The following HTT variants were observed in gnomAD, a reference collection of about 807,000 sequenced individuals.
The protein encoded by HTT is huntingtin, also known as huntington disease protein.
A neutral mutation model predicts 362.3 loss-of-function variants in HTT; 104 were observed. The ratio of observed to expected loss-of-function variants is 0.29; its 90% CI spans 0.24 to 0.34. The LOEUF is 0.34. Among genes scored for constraint, HTT ranks in the 10% least tolerant of loss-of-function variants. The pLI is 1.00. For synonymous variants in HTT, 1,577 were observed against 1,548.7 expected (o/e 1.02, Z -0.43); for missense variants, 3,301 against 3,928.6 (o/e 0.84, Z 4.27).
chr4:3,217,812 G>A lies in HTT; in HGVS notation c.7102G>A (p.Glu2368Lys). Reference sequence around the variant, plus strand: ...CTGTGAGATGGTGGCAGAAATGGTGGAGTCTCTGCAGTCGGTGTTGGCCTT... The same window carrying A: ...CTGTGAGATGGTGGCAGAAATGGTGAAGTCTCTGCAGTCGGTGTTGGCCTT... ...AACEMVAEMV[E>K]SLQSVLALGH... Residue 2368 changes from glutamate (E) to lysine (K), a missense_variant, in exon 52 of 67, where the codon GAG becomes AAG. Physicochemically the swap from Glu to Lys is moderately conservative, Grantham distance 56. Around this residue, in one of 4 missense-constraint regions of HTT, gnomAD observed 753 missense variants for 1,021.3 expected, o/e 0.74. Transcript: ENST00000355072. The A allele has an allele frequency of 1.2e-6, 2 of 1,614,150 alleles. No homozygotes were observed. Among genetic ancestry groups the A allele is most frequent in the Non-Finnish European group, 8.5e-7 (1 of 1,179,992 alleles).
At chr4:3,213,054 T>A in intron 49 of HTT, 1 of 262,642 alleles carries the variant, frequency 3.8e-6, no homozygotes. Context: ...ACTTACTTGG[T>A]TTGTGTTAGT....
chr4:3,095,894 T>G (rs1268231463), intron 2 of HTT, among the ~76,000 whole-genome samples: 1 of 152,198 alleles, frequency 6.6e-6, no homozygotes, highest in Admixed American at 6.5e-5. Context: ...TCAACCTAAC[T>G]ATGTCAAAAA....
chr4:3,125,738 C>T, intron 11 of HTT, 109 bp downstream of exon 11: 1 of 767,518 alleles, frequency 1.3e-6, no homozygotes, highest in East Asian at 2.5e-5. Flanking sequence ...CTGGGGGCAG[C>T]AGTGGAGCCA....
chr4:3,190,018 A>C (rs892884708), intron 40 of HTT, among the ~76,000 whole-genome samples: 2 of 152,028 alleles, frequency 1.3e-5, no homozygotes, highest in Admixed American at 1.3e-4. Context: ...CCTGCCTCAA[A>C]AAAACAAAAC....
At chr4:3,082,779 T>C (rs1392262916) in intron 1 of HTT, among the ~76,000 whole-genome samples, 2 of 152,004 alleles carry the variant, frequency 1.3e-5, no homozygotes, top group African/African-American at 2.4e-5. Flanking sequence ...GCTTATCTGC[T>C]GTAGGGCCGT....
At chr4:3,181,839 C>T (rs955599365) in intron 36 of HTT, among the ~76,000 whole-genome samples, 2 of 152,108 alleles carry the variant, frequency 1.3e-5, no homozygotes, top group Admixed American at 1.3e-4. Flanking sequence ...GTTCAGTGAG[C>T]TCTGGATATG....
Position 3,238,614 on chromosome 4 carries a change from G to A in HTT, c.9054+5G>A. On this transcript the variant is annotated splice_donor_5th_base_variant and intron_variant, in intron 65 of 66. Transcript: ENST00000355072. ...ATGGCCACCGTGGTGTATAAGGTGA[G>A]GTTGCATGTGGGATGGGGATGGAGT... 6.3e-7 allele frequency: 1 copy of A among 1,591,716 alleles called. No homozygotes were observed. Among genetic ancestry groups the A allele is most frequent in the Non-Finnish European group, 8.6e-7 (1 of 1,167,312 alleles).
In HTT at chr4:3,212,104, A is replaced by G. The variant is rs759064953; in HGVS notation, c.6590A>G (p.Glu2197Gly). The G allele has an allele frequency of 5.6e-6, 9 of 1,613,894 alleles. No individual in the cohort carries two copies. In the African/African-American group the frequency reaches 9.3e-5, roughly 17 times the overall value. The change falls in exon 48 of 67, where the codon GAG (glutamate) becomes GGG (glycine). Residue 2197 changes from glutamate to glycine, a missense_variant. By Grantham distance (98) the Glu-to-Gly change is moderately conservative. Transcript: ENST00000355072. ...GTCTTCCAGCCCGAGCTGCCTGCAGAGCCGGCGGCCTACTGGAGCAAGTTG... is the reference window on the plus strand; with the variant it reads ...GTCTTCCAGCCCGAGCTGCCTGCAGGGCCGGCGGCCTACTGGAGCAAGTTG... The part of the protein sequence containing the change: ...HHVFQPELPA[E>G]PAAYWSKLND...
chr4:3,205,980 T>C (rs1209900204), intron 42 of HTT, among the ~76,000 whole-genome samples: 3 of 152,362 alleles, frequency 2.0e-5, no homozygotes, highest in Admixed American at 6.5e-5. Flanking sequence ...GTGGGATCCA[T>C]TCATATTTTG....
In HTT at chr4:3,136,690, G is replaced by T. The variant is rs533918377; in HGVS notation, c.2798+364G>T. On this transcript the variant is annotated intron_variant, in intron 21 of 66. Transcript: ENST00000355072. ...TCTATGAGTTTCTTGTTCAAAATCA[G>T]GTCAAAATTACATGCAATTTTGTAA... is the stretch of plus-strand genomic sequence containing the variant. 2.0e-5 allele frequency among the ~76,000 whole-genome samples: 3 copies of T among 151,962 alleles called. No homozygotes were observed. In the South Asian group the frequency reaches 6.2e-4, roughly 32 times the overall value.
At chr4:3,179,813 CAT>C (rs772132425) in intron 35 of HTT, among the ~76,000 whole-genome samples, 7 of 134,978 alleles carry the variant, frequency 5.2e-5, no homozygotes, top group East Asian at 2.2e-4. Flanking sequence ...TGTGTGTGCT[CAT>C]GTGTGAGCGT....
At chr4:3,203,869 T>G (rs1719713117) in intron 41 of HTT, 138 bp from the exon 42 acceptor site, 3 of 759,000 alleles carry the variant, frequency 4.0e-6, no homozygotes, top group African/African-American at 3.5e-5. Flanking sequence ...ATATTACACA[T>G]ACAACATTCT....
intron 15 of HTT, 67 bp downstream of exon 15, chr4:3,131,464 C>T: frequency 6.8e-7 from 1 of 1,473,292 alleles, no homozygotes; most frequent in Non-Finnish European, 9.5e-7. Context: ...GCTTGGTGGC[C>T]TGTTTTTGCC....
At chr4:3,122,532 G>A (rs1022044005) in intron 9 of HTT, among the ~76,000 whole-genome samples, 2 of 152,298 alleles carry the variant, frequency 1.3e-5, no homozygotes, top group African/African-American at 4.8e-5. Flanking sequence ...TTTTCTGTAT[G>A]GAATGCGTGC....
intron 2 of HTT, among the ~76,000 whole-genome samples, chr4:3,090,129 C>T (rs946644546): frequency 1.3e-5 from 2 of 152,138 alleles, no homozygotes; most frequent in African/African-American, 4.8e-5. Flanking sequence ...TTTTTTATAG[C>T]TTTTGTGCTA....
chr4:3,150,979 C>T (rs966616753), intron 26 of HTT, among the ~76,000 whole-genome samples: 1 of 151,770 alleles, frequency 6.6e-6, no homozygotes, highest in South Asian at 2.1e-4. Context: ...GCGGAGCTTG[C>T]AGTGAGCCGA....
At chr4:3,197,929 A>G (rs1229075492) in intron 40 of HTT, among the ~76,000 whole-genome samples, 1 of 152,176 alleles carries the variant, frequency 6.6e-6, no homozygotes, top group African/African-American at 2.4e-5. Flanking sequence ...CAGGGGGCCC[A>G]TGCAGGAACA....
chr4:3,082,462 C>T (rs1157663475), intron 1 of HTT, among the ~76,000 whole-genome samples: 1 of 152,164 alleles, frequency 6.6e-6, no homozygotes, highest in African/African-American at 2.4e-5. Flanking sequence ...TAAATTGGAT[C>T]AATTTGGGGG....
chr4:3,074,924 G>GCAGCAGCAA lies in HTT; in HGVS notation c.107_108insACAGCAGCA (p.Gln36_Gln38dup). On this transcript the variant is annotated inframe_insertion, in exon 1 of 67. Transcript: ENST00000355072. ...AGCAGCAGCAGCAGCAGCAGCAGCA[G>GCAGCAGCAA]CAGCAGCAGCAACAGCCGCCACCGC... 3 of 1,302,880 alleles carry GCAGCAGCAA rather than the reference G, an allele frequency of 2.3e-6. No individual in the cohort carries two copies. Among genetic ancestry groups the GCAGCAGCAA allele is most frequent in the African/African-American group, 4.4e-5 (2 of 45,872 alleles). The allele number at this position is 1,302,880 out of a possible 1,614,324, so 80.7% of individuals were successfully genotyped here.
Sources: allele counts gnomAD v4.1 joint callset (sites outside exome capture counted in the v4.1 genomes callset), GRCh38; gene constraint gnomAD v4.1.1; regional missense constraint gnomAD v4.1.1; transcripts MANE v1.5; gene names NCBI Gene and HGNC (gene_info 2026-07-23, HGNC 2026-07-21).